The following CNTN4 variants were observed in gnomAD, a reference collection of about 807,000 sequenced individuals.
CNTN4 encodes the protein contactin-4.
A neutral mutation model predicts 122.5 loss-of-function variants in CNTN4; 77 were observed. The ratio of observed to expected loss-of-function variants is 0.63; its 90% CI spans 0.52 to 0.76. CNTN4 has a LOEUF of 0.76. CNTN4 is among the 30% of genes least tolerant of loss of function. The pLI is 0.00. For synonymous variants in CNTN4, 512 were observed against 447.0 expected, an observed-to-expected ratio of 1.15 and a Z score of -1.83; for missense variants, 1,256 against 1,259.1, an observed-to-expected ratio of 1.00 and a Z score of 0.04.
At chr3:2,803,913 T>C (rs2092404771) in intron 6 of CNTN4, among the ~76,000 whole-genome samples, 1 of 152,046 alleles carries the variant, frequency 6.6e-6, no homozygotes, top group East Asian at 1.9e-4. Context: ...GAACCACAGC[T>C]ACACCCATTG....
intron 6 of CNTN4, among the ~76,000 whole-genome samples, chr3:2,792,680 C>G (rs1302503624): frequency 6.6e-6 from 1 of 152,220 alleles, no homozygotes; most frequent in Non-Finnish European, 1.5e-5. Context: ...AAAACCAATT[C>G]CATTCACTTA....
chr3:2,932,541 A>G (rs77035745), intron 13 of CNTN4, among the ~76,000 whole-genome samples: 14,084 of 152,070 alleles, frequency 0.093, 747 homozygotes, highest in Middle Eastern at 0.13. Flanking sequence ...TCTACAGGTC[A>G]CCTCCATTCC....
chr3:2,277,832 A>G (rs2041573801), intron 2 of CNTN4, among the ~76,000 whole-genome samples: 1 of 152,216 alleles, frequency 6.6e-6, no homozygotes, highest in Non-Finnish European at 1.5e-5. Context: ...CAAGTTCAGC[A>G]CAATGCTATT....
intron 4 of CNTN4, among the ~76,000 whole-genome samples, chr3:2,685,543 T>C (rs1421077445): frequency 1.3e-5 from 2 of 152,124 alleles, no homozygotes; most frequent in Non-Finnish European, 2.9e-5. Flanking sequence ...TCCAAACAAA[T>C]GTGGCTGTTT....
intron 2 of CNTN4, among the ~76,000 whole-genome samples, chr3:2,258,993 A>G (rs1258868023): frequency 6.6e-6 from 1 of 152,114 alleles, no homozygotes; most frequent in Non-Finnish European, 1.5e-5. Context: ...CTTATAAGGC[A>G]TAAGTGCTAT....
At chr3:2,685,181 C>G (rs2085369737) in intron 4 of CNTN4, among the ~76,000 whole-genome samples, 1 of 152,086 alleles carries the variant, frequency 6.6e-6, no homozygotes, top group Non-Finnish European at 1.5e-5. Context: ...TCATCTTTAT[C>G]AGGGTCAAGT....
At chr3:2,115,106 TC>T (rs1264794783) in intron 2 of CNTN4, among the ~76,000 whole-genome samples, 1 of 152,180 alleles carries the variant, frequency 6.6e-6, no homozygotes, top group African/African-American at 2.4e-5. Context: ...TGATGAGCCT[TC>T]AGCCAGGCTC....
At chr3:3,034,524 T>C (rs1699429445) in intron 16 of CNTN4, 108 bp from the exon 17 acceptor site, 1 of 1,180,428 alleles carries the variant, frequency 8.5e-7, no homozygotes, top group Admixed American at 1.8e-5. Flanking sequence ...GATGAATCTG[T>C]GAATGGGTAG....
At chr3:2,317,752 A>G (rs1212745316) in intron 2 of CNTN4, among the ~76,000 whole-genome samples, 2 of 152,196 alleles carry the variant, frequency 1.3e-5, no homozygotes, top group Non-Finnish European at 2.9e-5. Flanking sequence ...AATGCTAGGT[A>G]GGAGACAGGA....
rs115400166 is a variant in CNTN4 at position 2,610,811 on chromosome 3, A to G, written c.55+39253A>G. 6.2e-3 allele frequency among the ~76,000 whole-genome samples: 943 copies of G among 152,266 alleles called. 5 individuals are homozygous for G. The highest frequency in any genetic ancestry group is 1.0e-2 in the Non-Finnish European group (677 of 68,016). On this transcript the variant is annotated intron_variant, in intron 4 of 24. Coordinates refer to ENST00000418658, the MANE Select transcript of CNTN4 (RefSeq NM_175607.3). The stretch of plus-strand genomic sequence containing the variant: ...GTATTTTCAGAGTGTATTGTCTGAG[A>G]ATACGGTGGCGTTTTCCATTGCTAA...
chr3:2,457,696 A>G (rs995620147), intron 3 of CNTN4, among the ~76,000 whole-genome samples: 2 of 152,116 alleles, frequency 1.3e-5, no homozygotes, highest in Non-Finnish European at 2.9e-5. Context: ...CTACTGAGTC[A>G]TAGCCCCTGT....
In CNTN4 at chr3:2,587,338, C is replaced by G. The variant is rs2080247185; in HGVS notation, c.55+15780C>G. 5.9e-5 allele frequency among the ~76,000 whole-genome samples: 9 copies of G among 152,162 alleles called. No homozygotes were observed. The South Asian group carries it at 1.9e-3, about 31-fold the overall frequency. On this transcript the variant is annotated intron_variant, in intron 4 of 24. Transcript: ENST00000418658. ...TGTTTGTTAGGGTCAACAGCTTTTG[C>G]TAGAACCTGATGTGATATTCTGTAT...
At chr3:2,240,775 A>C (rs2039901054) in intron 2 of CNTN4, among the ~76,000 whole-genome samples, 1 of 152,170 alleles carries the variant, frequency 6.6e-6, no homozygotes, top group Admixed American at 6.5e-5. Context: ...AGATATTAAA[A>C]ATTATATTTT....
At chr3:2,622,665 G>A (rs2082035325) in intron 4 of CNTN4, among the ~76,000 whole-genome samples, 1 of 152,200 alleles carries the variant, frequency 6.6e-6, no homozygotes, top group African/African-American at 2.4e-5. Flanking sequence ...ACTGTTCATT[G>A]AATGTTTTAA....
chr3:2,666,258 G>A (rs2084155455), intron 4 of CNTN4, among the ~76,000 whole-genome samples: 1 of 152,014 alleles, frequency 6.6e-6, no homozygotes, highest in Admixed American at 6.6e-5. Flanking sequence ...TTAGAATAAC[G>A]GGTTTCATGT....
At chr3:2,995,508 G>T (rs1377362503) in intron 14 of CNTN4, among the ~76,000 whole-genome samples, 1 of 152,172 alleles carries the variant, frequency 6.6e-6, no homozygotes, top group African/African-American at 2.4e-5. Context: ...CTAGAGGGAA[G>T]ATGTAATTCC....
At position 3,056,661 on chromosome 3, in the gene CNTN4, G is replaced by T. The variant is rs1428449332; in HGVS notation, c.*441G>T. 6.3e-6 allele frequency: 1 copy of T among 159,422 alleles called. No homozygotes were observed. Among genetic ancestry groups the T allele is most frequent in the Non-Finnish European group, 1.4e-5 (1 of 72,122 alleles). The allele number at this position is 159,422 out of a possible 1,614,324, so 9.9% of individuals were successfully genotyped here. A position where few individuals can be genotyped will look rare whatever the true frequency, so the allele number is the denominator to read the frequency against. ...TGAAACTCATCTTGGTAAATAAATT[G>T]CAAATTACTCGTACAGTTTTACAAG... On this transcript the variant is annotated 3_prime_UTR_variant, in exon 25 of 25. Transcript: ENST00000418658.
intron 2 of CNTN4, among the ~76,000 whole-genome samples, chr3:2,105,756 T>C (rs1333367628): frequency 6.6e-6 from 1 of 152,196 alleles, no homozygotes; most frequent in Non-Finnish European, 1.5e-5. Context: ...TCATGTCTTT[T>C]CACATTTCAA....
At chr3:2,730,976 G>C (rs576986236) in intron 4 of CNTN4, among the ~76,000 whole-genome samples, 1 of 151,368 alleles carries the variant, frequency 6.6e-6, no homozygotes, top group Non-Finnish European at 1.5e-5. Flanking sequence ...AGTGACACCC[G>C]GCTGCGGAGA....
Sources: allele counts gnomAD v4.1 joint callset (sites outside exome capture counted in the v4.1 genomes callset), GRCh38; gene constraint gnomAD v4.1.1; transcripts MANE v1.5; gene names NCBI Gene and HGNC (gene_info 2026-07-23, HGNC 2026-07-21).